DSCAML1: variants seen among roughly 807,000 people sequenced by gnomAD.
The protein encoded by DSCAML1 is cell adhesion molecule DSCAML1.
DSCAML1 carries 38 observed loss-of-function variants against 200.5 expected under a neutral mutation model. That is an observed-to-expected ratio of 0.19 (90% CI 0.15 to 0.25). The LOEUF is 0.25. DSCAML1 is among the 10% of genes least tolerant of loss of function. DSCAML1 has a pLI of 1.00. For synonymous variants in DSCAML1, 1,215 were observed against 1,165.0 expected, an observed-to-expected ratio of 1.04 and a Z score of -0.87; for missense variants, 2,223 against 2,858.8, an observed-to-expected ratio of 0.78 and a Z score of 5.07.
intron 3 of DSCAML1, among the ~76,000 whole-genome samples, chr11:117,717,285 C>A (rs1363831577): frequency 6.6e-6 from 1 of 152,144 alleles, no homozygotes; most frequent in Non-Finnish European, 1.5e-5. Context: ...TGCCCTGCCC[C>A]CCTCAAGTAT....
chr11:117,581,504 C>T (rs571407470), intron 3 of DSCAML1, among the ~76,000 whole-genome samples: 55 of 152,256 alleles, frequency 3.6e-4, no homozygotes, highest in African/African-American at 1.3e-3. Flanking sequence ...TTTCCTTTAC[C>T]TTCAGTTTTG....
At chr11:117,430,560 G>T (rs1363895441) in intron 32 of DSCAML1, among the ~76,000 whole-genome samples, 162 bp downstream of exon 32, 3 of 152,208 alleles carry the variant, frequency 2.0e-5, no homozygotes, top group Admixed American at 6.5e-5. Context: ...GCCCTGATCT[G>T]CCTGCTCCTA....
At chr11:117,777,038 C>T in intron 2 of DSCAML1, 101 bp from the exon 3 acceptor site, 1 of 1,230,478 alleles carries the variant, frequency 8.1e-7, no homozygotes, top group Non-Finnish European at 1.1e-6. Flanking sequence ...TCTGCTCCTT[C>T]AGCCTCACCT....
intron 3 of DSCAML1, among the ~76,000 whole-genome samples, chr11:117,702,078 C>T (rs184096222): frequency 1.3e-5 from 2 of 152,328 alleles, no homozygotes; most frequent in Non-Finnish European, 2.9e-5. Flanking sequence ...AGGCCCTGGC[C>T]ACTTCCTGTG....
chr11:117,572,292 G>A (rs1356015389), intron 3 of DSCAML1, among the ~76,000 whole-genome samples: 1 of 152,172 alleles, frequency 6.6e-6, no homozygotes, highest in Non-Finnish European at 1.5e-5. Flanking sequence ...AAGCCTTTGT[G>A]GTTTTCACAA....
chr11:117,621,564 C>T (rs369891556), intron 3 of DSCAML1, among the ~76,000 whole-genome samples: 1 of 152,186 alleles, frequency 6.6e-6, no homozygotes, highest in African/African-American at 2.4e-5. Context: ...AAAGCAGGTC[C>T]ATTTTCTTTA....
intron 3 of DSCAML1, among the ~76,000 whole-genome samples, chr11:117,726,266 C>CGTGTGTGT (rs112110901): frequency 3.4e-5 from 5 of 145,718 alleles, no homozygotes; most frequent in African/African-American, 1.3e-4. Flanking sequence ...TGTGTGTGTG[C>CGTGTGTGT]GTGTGTGTGT....
chr11:117,483,112 G>C (rs145508609), intron 11 of DSCAML1, among the ~76,000 whole-genome samples: 1 of 152,206 alleles, frequency 6.6e-6, no homozygotes, highest in African/African-American at 2.4e-5. Flanking sequence ...CTCTGGGCCT[G>C]AGCACCTGCG....
At chr11:117,580,560 C>G (rs896128529) in intron 3 of DSCAML1, among the ~76,000 whole-genome samples, 3 of 122,144 alleles carry the variant, frequency 2.5e-5, no homozygotes, top group African/African-American at 8.3e-5. Context: ...ATGCCTTGCA[C>G]CCAGTAATTG....
At chr11:117,484,781 G>A (rs992111527) in intron 11 of DSCAML1, among the ~76,000 whole-genome samples, 38 of 152,178 alleles carry the variant, frequency 2.5e-4, no homozygotes, top group Non-Finnish European at 1.0e-4. Flanking sequence ...CTCGTAAGCG[G>A]ACTGGGGACT....
At position 117,505,474 on chromosome 11, in the gene DSCAML1, T is replaced by C; in HGVS notation, c.2042A>G (p.Glu681Gly). Residue 681 changes from glutamate (E) to glycine (G), a missense_variant, in exon 9 of 33, where the codon GAG (glutamate) becomes GGG (glycine). Physicochemically the swap from Glu to Gly is moderately conservative, Grantham distance 98. Around this residue, in one of 7 missense-constraint regions of DSCAML1, gnomAD observed 212 missense variants for 368.0 expected, o/e 0.58. Coordinates refer to ENST00000651296, the MANE Select transcript of DSCAML1 (RefSeq NM_020693.4). This position sits in a 1 kb window ranked among gnomAD's most constrained non-coding sequence, Gnocchi z 6.7. Reference protein sequence around the residue: ...ASNAAATVSRERQLIVRVPPR... With the variant: ...ASNAAATVSRGRQLIVRVPPR... Reference sequence around the variant, plus strand: ...CTCACCACGCACGATGAGCTGGCGCTCCCGGCTCACGGTGGCGGCTGCGTT... The same window carrying C: ...CTCACCACGCACGATGAGCTGGCGCCCCCGGCTCACGGTGGCGGCTGCGTT... 1 of 1,611,558 alleles carries C rather than the reference T, an allele frequency of 6.2e-7. No homozygotes were observed. Among genetic ancestry groups the C allele is most frequent in the South Asian group, 1.1e-5 (1 of 91,060 alleles).
At chr11:117,448,113 G>A (rs917184052) in intron 20 of DSCAML1, among the ~76,000 whole-genome samples, 15 of 152,210 alleles carry the variant, frequency 9.9e-5, no homozygotes, top group African/African-American at 3.6e-4. Context: ...CCATCAGCAG[G>A]AGGAGGGGAC....
At chr11:117,563,657 A>G (rs911252638) in intron 3 of DSCAML1, among the ~76,000 whole-genome samples, 13 of 152,130 alleles carry the variant, frequency 8.5e-5, no homozygotes, top group African/African-American at 2.9e-4. Flanking sequence ...GAAAATGTAA[A>G]AGCATTCAGT....
At chr11:117,793,948 CCTCCCCAGTATTCACTGG>C (rs1300687209) in intron 1 of DSCAML1, among the ~76,000 whole-genome samples, 1 of 152,172 alleles carries the variant, frequency 6.6e-6, no homozygotes, top group Non-Finnish European at 1.5e-5. Flanking sequence ...CCACTCAGCC[CCTCCCCAGTATTCACTGG>C]CCCTTCGCCT....
At chr11:117,657,503 C>A (rs1018394840) in intron 3 of DSCAML1, among the ~76,000 whole-genome samples, 5 of 152,220 alleles carry the variant, frequency 3.3e-5, no homozygotes, top group Non-Finnish European at 7.3e-5. Context: ...ATGTAACAAT[C>A]ATATTTCCAT....
At chr11:117,488,475 G>T (rs542990472) in intron 11 of DSCAML1, among the ~76,000 whole-genome samples, 1 of 152,222 alleles carries the variant, frequency 6.6e-6, no homozygotes, top group East Asian at 1.9e-4. Context: ...CGGCCACCAC[G>T]AATTCCCTGG....
chr11:117,458,440 A>G (rs1412911801), intron 19 of DSCAML1, among the ~76,000 whole-genome samples: 2 of 152,188 alleles, frequency 1.3e-5, no homozygotes, highest in Non-Finnish European at 2.9e-5. Flanking sequence ...TGAATCTTGC[A>G]GGGGAGCAGA....
Position 117,584,932 on chromosome 11 carries a change from A to ACTTG in DSCAML1, c.512-52414_512-52411dup, listed in dbSNP as rs1316959688. Among the ~76,000 whole-genome samples the ACTTG allele has an allele frequency of 3.3e-5, 5 of 152,342 alleles. No homozygotes were observed. In the East Asian group the frequency reaches 7.7e-4, roughly 24 times the overall value. On this transcript the variant is annotated intron_variant, in intron 3 of 32. Coordinates refer to ENST00000651296, the MANE Select transcript of DSCAML1 (RefSeq NM_020693.4). The stretch of plus-strand genomic sequence containing the variant: ...ATACAAGGAAAGTACTCAGAATGAT[A>ACTTG]CTTGGCACAGGACAAGTGTCCAATA...
Position 117,433,486 on chromosome 11 carries a change from A to G in DSCAML1, c.4877-15T>C. On this transcript the variant is annotated splice_polypyrimidine_tract_variant and intron_variant, in intron 27 of 32. Transcript: ENST00000651296. The stretch of plus-strand genomic sequence containing the variant: ...ACTCTTTGCATCTGCAAAACAGTAG[A>G]GGGAGAGGAGGGCTGGGTGAGAATG... The G allele has an allele frequency of 6.2e-7, 1 of 1,611,968 alleles. No individual in the cohort carries two copies. The highest frequency in any genetic ancestry group is 8.5e-7 in the Non-Finnish European group (1 of 1,179,504).
Sources: gnomAD v4.1 joint callset for allele counts (sites outside exome capture counted in the v4.1 genomes callset) on GRCh38, gnomAD v4.1.1 for gene constraint, gnomAD v4.1.1 regional missense constraint, Gnocchi (gnomAD v3.1) non-coding constraint, MANE v1.5 for transcripts, NCBI Gene and HGNC (gene_info 2026-07-23, HGNC 2026-07-21) for gene names.